The following BCAS3 variants were observed in gnomAD, a reference collection of about 807,000 sequenced individuals.
The protein encoded by BCAS3 is BCAS3 microtubule associated cell migration factor.
BCAS3 carries 53 observed loss-of-function variants against 116.1 expected under a neutral mutation model. That is an observed-to-expected ratio of 0.46 (90% CI 0.37 to 0.57). The LOEUF (loss-of-function observed/expected upper bound fraction) is 0.57, where lower values mean the gene tolerates loss of function less well. Ranked by LOEUF, BCAS3 falls within the 20% of genes least tolerant of loss-of-function variation. BCAS3 has a pLI of 0.00. For missense variants in BCAS3, 917 were observed against 1,165.4 expected, an observed-to-expected ratio of 0.79 and a Z score of 3.10; for synonymous variants, 391 against 408.2, an observed-to-expected ratio of 0.96 and a Z score of 0.51.
Position 61,205,687 on chromosome 17 carries a change from T to C in BCAS3, c.2425+121123T>C, listed in dbSNP as rs1274537262. The stretch of plus-strand genomic sequence containing the variant: ...AGAAAGGGCTCCTCATCAGAGGATA[T>C]GCTTCTTTTATGTTCCTTAGACTCT... On this transcript the variant is annotated intron_variant, in intron 22 of 23. Coordinates refer to ENST00000407086, the MANE Select transcript of BCAS3 (RefSeq NM_017679.5). This position sits in a 1 kb window ranked among gnomAD's most constrained non-coding sequence, Gnocchi z 5.2. 6.6e-6 allele frequency among the ~76,000 whole-genome samples: 1 copy of C among 152,192 alleles called. No individual in the cohort carries two copies. Among genetic ancestry groups the C allele is most frequent in the Non-Finnish European group, 1.5e-5 (1 of 68,034 alleles).
chr17:60,870,739 G>A (rs958782779), intron 8 of BCAS3, among the ~76,000 whole-genome samples: 2 of 152,084 alleles, frequency 1.3e-5, no homozygotes, highest in Non-Finnish European at 2.9e-5. Flanking sequence ...ACTTATAAAG[G>A]TTCCGCTGCA....
intron 10 of BCAS3, among the ~76,000 whole-genome samples, chr17:60,893,627 A>G (rs1168260900): frequency 1.3e-5 from 1 of 76,954 alleles, no homozygotes; most frequent in Non-Finnish European, 2.3e-5. Flanking sequence ...TTTTTTTTGC[A>G]CGACAGAGTG....
In BCAS3 at chr17:61,037,008, C is replaced by T. The variant is rs1333400291; in HGVS notation, c.1763-881C>T. The stretch of plus-strand genomic sequence containing the variant: ...TTCTGTCTCCACACATGCAAAGCCT[C>T]TTATTATCAGTATCCCCAACCAGAG... On this transcript the variant is annotated intron_variant, in intron 17 of 23. Transcript: ENST00000407086. The surrounding 1 kb of genome is among the most constrained non-coding windows in gnomAD (Gnocchi z 4.7). 1.3e-5 allele frequency among the ~76,000 whole-genome samples: 2 copies of T among 152,142 alleles called. No homozygotes were observed. The highest frequency in any genetic ancestry group is 1.5e-5 in the Non-Finnish European group (1 of 68,022).
intron 4 of BCAS3, among the ~76,000 whole-genome samples, chr17:60,691,082 G>A (rs1392636883): frequency 2.0e-5 from 3 of 151,850 alleles, no homozygotes; most frequent in African/African-American, 7.3e-5. Context: ...ACAGGTGCTC[G>A]CCATCACGCC....
rs771874004 is a variant in BCAS3 at position 61,122,134 on chromosome 17, G to C, written c.2425+37570G>C. Among the ~76,000 whole-genome samples the C allele has an allele frequency of 3.5e-4, 53 of 152,222 alleles. No individual in the cohort carries two copies. The highest frequency in any genetic ancestry group is 6.5e-4 in the Non-Finnish European group (44 of 68,036). On this transcript the variant is annotated intron_variant, in intron 22 of 23. Transcript: ENST00000407086. The surrounding 1 kb of genome is among the most constrained non-coding windows in gnomAD (Gnocchi z 4.6). ...TCTTGCCACAGCTGAAATAGGAAGA[G>C]TATTGAACAGTCTCCCTTCCCCCAG...
At position 61,352,196 on chromosome 17, in the gene BCAS3, G is replaced by A. The variant is rs528655374; in HGVS notation, c.2426-16131G>A. ...GATGACAGGTCCATGTCCAGCTGAC[G>A]TAGTAACAAGAGGTCTCTGGGCCCC... On this transcript the variant is annotated intron_variant, in intron 22 of 23. Coordinates refer to ENST00000407086, the MANE Select transcript of BCAS3 (RefSeq NM_017679.5). This position sits in a 1 kb window ranked among gnomAD's most constrained non-coding sequence, Gnocchi z 4.7. Among the ~76,000 whole-genome samples, 9 of 139,144 alleles carry A rather than the reference G, an allele frequency of 6.5e-5. No homozygotes were observed. Among genetic ancestry groups the A allele is most frequent in the South Asian group, 5.1e-4 (2 of 3,900 alleles). 91.3% of individuals were successfully genotyped at this position (139,144 alleles called of 152,430 possible).
At chr17:61,027,874 G>A (rs2066369583) in intron 16 of BCAS3, among the ~76,000 whole-genome samples, 1 of 151,866 alleles carries the variant, frequency 6.6e-6, no homozygotes, top group East Asian at 1.9e-4. Context: ...TGCTACCACT[G>A]TTTCTTTTCC....
At position 60,693,735 on chromosome 17, in the gene BCAS3, C is replaced by T. The variant is rs148841319; in HGVS notation, c.214+3974C>T. 7.5e-3 allele frequency among the ~76,000 whole-genome samples: 1,141 copies of T among 151,332 alleles called. 51 individuals are homozygous for T. The highest frequency in any genetic ancestry group is 0.026 in the African/African-American group (1,062 of 40,954). ...GCATGGCCAGTTCTAATATCAAGGT[C>T]TAGTACTATATTTGAGTGTTGGATT... On this transcript the variant is annotated intron_variant, in intron 4 of 23. Coordinates refer to ENST00000407086, the MANE Select transcript of BCAS3 (RefSeq NM_017679.5).
At chr17:60,761,862 C>T (rs939906221) in intron 6 of BCAS3, among the ~76,000 whole-genome samples, 14 of 145,912 alleles carry the variant, frequency 9.6e-5, no homozygotes, top group Non-Finnish European at 1.8e-4. Flanking sequence ...TCCTCTCCAG[C>T]ACCTGTTGTT....
chr17:61,061,503 G>GT (rs2070030668), intron 19 of BCAS3, among the ~76,000 whole-genome samples: 1 of 152,214 alleles, frequency 6.6e-6, no homozygotes, highest in African/African-American at 2.4e-5. Context: ...GTCAAGAACA[G>GT]TAAGTTTTCA....
chr17:60,892,808 G>T (rs1185217677), intron 10 of BCAS3, among the ~76,000 whole-genome samples: 18 of 151,970 alleles, frequency 1.2e-4, no homozygotes, highest in Non-Finnish European at 2.2e-4. Context: ...TGTAGTCCCA[G>T]CTACTCGGGA....
chr17:60,876,707 T>G (rs1462248003), intron 9 of BCAS3, among the ~76,000 whole-genome samples: 3 of 152,154 alleles, frequency 2.0e-5, no homozygotes, highest in African/African-American at 7.2e-5. Flanking sequence ...CAACACCGTT[T>G]TGGAATGCTT....
intron 7 of BCAS3, among the ~76,000 whole-genome samples, chr17:60,861,750 G>GT (rs2054178766): frequency 6.6e-6 from 1 of 152,012 alleles, no homozygotes; most frequent in Non-Finnish European, 1.5e-5. Flanking sequence ...ATGATCATTT[G>GT]TTTTTTTGTT....
intron 13 of BCAS3, among the ~76,000 whole-genome samples, chr17:60,932,284 A>G (rs2059688222): frequency 6.6e-6 from 1 of 152,182 alleles, no homozygotes; most frequent in African/African-American, 2.4e-5. Context: ...CACATACTTG[A>G]TACTGAGTAA....
chr17:60,897,638 GT>G (rs1279671494), intron 10 of BCAS3, among the ~76,000 whole-genome samples: 1 of 151,976 alleles, frequency 6.6e-6, no homozygotes, highest in Non-Finnish European at 1.5e-5. Flanking sequence ...TGACTGGATT[GT>G]TTCAAAAGAT....
At chr17:60,787,241 C>G (rs1382755827) in intron 6 of BCAS3, among the ~76,000 whole-genome samples, 1 of 152,076 alleles carries the variant, frequency 6.6e-6, no homozygotes, top group Non-Finnish European at 1.5e-5. Context: ...AATCTATACC[C>G]CTGTAAAGAT....
At chr17:60,877,184 A>G (rs2055690697) in intron 9 of BCAS3, among the ~76,000 whole-genome samples, 1 of 151,804 alleles carries the variant, frequency 6.6e-6, no homozygotes, top group Admixed American at 6.6e-5. Flanking sequence ...ATATATATAT[A>G]TATATATACA....
chr17:60,973,986 C>T (rs1411232851), intron 14 of BCAS3, among the ~76,000 whole-genome samples: 1 of 152,114 alleles, frequency 6.6e-6, no homozygotes, highest in African/African-American at 2.4e-5. Context: ...TATTGCTGAT[C>T]AGTACCAGAG....
intron 19 of BCAS3, among the ~76,000 whole-genome samples, chr17:61,045,352 A>G (rs1002758707): frequency 6.6e-6 from 1 of 151,604 alleles, no homozygotes; most frequent in East Asian, 1.9e-4. Context: ...CTACAAAAAC[A>G]TTATAAAAAT....
Sources: allele counts gnomAD v4.1 joint callset (sites outside exome capture counted in the v4.1 genomes callset), GRCh38; gene constraint gnomAD v4.1.1; non-coding constraint Gnocchi (gnomAD v3.1); transcripts MANE v1.5; gene names NCBI Gene and HGNC (gene_info 2026-07-23, HGNC 2026-07-21).